HECW1: variants seen among roughly 807,000 people sequenced by gnomAD.
HECW1 encodes the protein HECT, C2 and WW domain containing E3 ubiquitin protein ligase 1, also known as E3 ubiquitin-protein ligase HECW1.
In HECW1, 61 loss-of-function variants were observed where a neutral mutation model predicts 182.3. The observed-to-expected ratio is 0.33, with a 90% CI of 0.27 to 0.41. The LOEUF (loss-of-function observed/expected upper bound fraction) is 0.41. HECW1 is among the 10% of genes least tolerant of loss of function. The probability of loss-of-function intolerance (pLI) is 1.00; values close to 1 mark genes in which losing one functional copy is unlikely to be tolerated. For missense variants in HECW1, 1,739 were observed against 2,108.9 expected, an observed-to-expected ratio of 0.82 and a Z score of 3.44; for synonymous variants, 859 against 832.6, an observed-to-expected ratio of 1.03 and a Z score of -0.55.
intron 5 of HECW1, among the ~76,000 whole-genome samples, chr7:43,350,990 G>T (rs969663867): frequency 6.6e-6 from 1 of 152,164 alleles, no homozygotes; most frequent in Non-Finnish European, 1.5e-5. Context: ...CTTTTCATTT[G>T]GGTAGGCTCT....
chr7:43,125,106 TG>T (rs1282490647), intron 2 of HECW1, among the ~76,000 whole-genome samples: 1 of 152,228 alleles, frequency 6.6e-6, no homozygotes, highest in East Asian at 1.9e-4. Context: ...CACCCTCGCT[TG>T]GTGGAAAGAG....
chr7:43,554,773 A>G lies in HECW1; in HGVS notation c.4692A>G (p.Lys1564=). ...GCTTCTGCATAGAGAAATGGGGGAAAATTACTTCTCTCCCCAGGTACAGAG... is the reference window on the plus strand; with the variant it reads ...GCTTCTGCATAGAGAAATGGGGGAAGATTACTTCTCTCCCCAGGTACAGAG... ...LRRFCIEKWG[K]ITSLPRAHTC... Residue 1564 remains lysine, a synonymous_variant, in exon 29 of 30, where the codon AAA becomes AAG. Coordinates refer to ENST00000395891, the MANE Select transcript of HECW1 (RefSeq NM_015052.5). 6.2e-7 allele frequency: 1 copy of G among 1,613,562 alleles called. No homozygotes were observed. Among genetic ancestry groups the G allele is most frequent in the Non-Finnish European group, 8.5e-7 (1 of 1,179,814 alleles).
At chr7:43,355,751 G>A (rs1815047521) in intron 5 of HECW1, among the ~76,000 whole-genome samples, 1 of 152,176 alleles carries the variant, frequency 6.6e-6, no homozygotes, top group Non-Finnish European at 1.5e-5. Context: ...AGCACTTTGG[G>A]AGGCTGAGGC....
At chr7:43,274,434 C>A in intron 3 of HECW1, 1 of 638,792 alleles carries the variant, frequency 1.6e-6, no homozygotes, top group Non-Finnish European at 2.9e-6. Context: ...GCACCCACAA[C>A]ACATACAGGG....
intron 5 of HECW1, among the ~76,000 whole-genome samples, chr7:43,346,443 G>A (rs563047394): frequency 1.1e-3 from 174 of 152,254 alleles, no homozygotes; most frequent in African/African-American, 3.9e-3. Flanking sequence ...TATGTGGGTT[G>A]TATGTTTATT....
chr7:43,458,721 G>A (rs2077482658), intron 13 of HECW1, among the ~76,000 whole-genome samples: 1 of 152,218 alleles, frequency 6.6e-6, no homozygotes, highest in Admixed American at 6.5e-5. Flanking sequence ...ATAACAGGCA[G>A]CCCAAGAAAG....
At chr7:43,525,546 C>T (rs1306906487) in intron 24 of HECW1, among the ~76,000 whole-genome samples, 3 of 152,164 alleles carry the variant, frequency 2.0e-5, no homozygotes, top group Non-Finnish European at 4.4e-5. Context: ...CACCTAGCAT[C>T]AGTTATTCTC....
chr7:43,351,347 A>T (rs574903883), intron 5 of HECW1, among the ~76,000 whole-genome samples: 1 of 152,210 alleles, frequency 6.6e-6, no homozygotes, highest in African/African-American at 2.4e-5. Context: ...TTGGCCTCCT[A>T]CCAGGAGGTG....
intron 3 of HECW1, among the ~76,000 whole-genome samples, chr7:43,304,358 C>T (rs1251042284): frequency 6.6e-6 from 1 of 152,188 alleles, no homozygotes; most frequent in Non-Finnish European, 1.5e-5. Flanking sequence ...GGCACCAAGC[C>T]TAGTGCTTAC....
chr7:43,149,092 T>C (rs1789021516), intron 2 of HECW1, among the ~76,000 whole-genome samples: 1 of 152,066 alleles, frequency 6.6e-6, no homozygotes, highest in African/African-American at 2.4e-5. Flanking sequence ...ATGCTAAAAT[T>C]AGAAGCTAAA....
intron 24 of HECW1, among the ~76,000 whole-genome samples, chr7:43,517,867 A>G (rs890025009): frequency 1.3e-5 from 2 of 152,190 alleles, no homozygotes; most frequent in Non-Finnish European, 2.9e-5. Flanking sequence ...TCACCATAGA[A>G]TGTACGGGAT....
At chr7:43,220,549 C>T (rs1796854261) in intron 2 of HECW1, among the ~76,000 whole-genome samples, 2 of 152,130 alleles carry the variant, frequency 1.3e-5, no homozygotes, top group South Asian at 4.1e-4. Context: ...AACTAGCAGC[C>T]CACCAGCTCT....
At chr7:43,169,553 T>C (rs527735965) in intron 2 of HECW1, among the ~76,000 whole-genome samples, 3 of 152,326 alleles carry the variant, frequency 2.0e-5, no homozygotes, top group South Asian at 4.2e-4. Context: ...CCAATTTCAC[T>C]TCTATGAGAG....
rs757611736 is a variant in HECW1, at chr7:43,445,451, C to T, written c.2279C>T (p.Pro760Leu). ...TCCATGCAGAGCCCTGAGCTGGACCCGGAGTCCACGAACGGCGCTGGGCCG... is the reference window on the plus strand; with the variant it reads ...TCCATGCAGAGCCCTGAGCTGGACCTGGAGTCCACGAACGGCGCTGGGCCG... The part of the protein sequence containing the change: ...PDSMQSPELD[P>L]ESTNGAGPWQ... Residue 760 changes from proline (P) to leucine (L), a missense_variant, in exon 11 of 30, where the codon CCG becomes CTG. This residue lies in a region of HECW1 where 971 missense variants were observed against 1,029.1 expected (regional missense o/e 0.94). Transcript: ENST00000395891. 5 of 1,613,084 alleles carry T rather than the reference C, an allele frequency of 3.1e-6. No individual in the cohort carries two copies. The highest frequency in any genetic ancestry group is 4.5e-5 in the East Asian group (2 of 44,866).
intron 12 of HECW1, among the ~76,000 whole-genome samples, chr7:43,451,418 A>G (rs2077232026): frequency 6.6e-6 from 1 of 152,206 alleles, no homozygotes; most frequent in African/African-American, 2.4e-5. Flanking sequence ...GAATAGCTTC[A>G]AATTTCTTCT....
chr7:43,412,722 C>A (rs1033345752), intron 8 of HECW1, among the ~76,000 whole-genome samples: 2 of 151,012 alleles, frequency 1.3e-5, no homozygotes, highest in African/African-American at 2.4e-5. Flanking sequence ...TTAGTTCTTG[C>A]GATAGTTTAC....
intron 2 of HECW1, among the ~76,000 whole-genome samples, chr7:43,207,028 T>C (rs1017349143): frequency 1.3e-5 from 2 of 152,202 alleles, no homozygotes. Context: ...TTTTGCCTAA[T>C]TGCCATTACC....
In HECW1 at chr7:43,114,222, G is replaced by A. The variant is rs1192450865; in HGVS notation, c.-201G>A. The A allele has an allele frequency of 2.2e-6, 3 of 1,358,644 alleles. No individual in the cohort carries two copies. Among genetic ancestry groups the A allele is most frequent in the Non-Finnish European group, 2.9e-6 (3 of 1,032,854 alleles). The allele number at this position is 1,358,644 out of a possible 1,614,324, so 84.2% of individuals were successfully genotyped here. ...CAGCATAGTTCAAAAATTGAGGGAG[G>A]CATCTTCTCTCTTTTCCTGGGATTT... On this transcript the variant is annotated 5_prime_UTR_variant, in exon 2 of 30. Coordinates refer to ENST00000395891, the MANE Select transcript of HECW1 (RefSeq NM_015052.5).
intron 3 of HECW1, among the ~76,000 whole-genome samples, chr7:43,247,714 G>A (rs565063743): frequency 6.1e-4 from 84 of 138,212 alleles, no homozygotes; most frequent in African/African-American, 2.3e-3. Flanking sequence ...GAGGGAGGGA[G>A]GGAAGAAGGA....
Sources: allele counts gnomAD v4.1 joint callset (sites outside exome capture counted in the v4.1 genomes callset), GRCh38; gene constraint gnomAD v4.1.1; regional missense constraint gnomAD v4.1.1; transcripts MANE v1.5; gene names NCBI Gene and HGNC (gene_info 2026-07-23, HGNC 2026-07-21).